The following FMN2 variants were observed in gnomAD, a reference collection of about 807,000 sequenced individuals.
FMN2 encodes the protein formin-2.
A neutral mutation model predicts 142.3 loss-of-function variants in FMN2; 51 were observed. The observed-to-expected ratio is 0.36, with a 90% CI of 0.29 to 0.45. The LOEUF (loss-of-function observed/expected upper bound fraction) is 0.45. Among genes scored for constraint, FMN2 ranks in the 20% least tolerant of loss-of-function variants. FMN2 has a pLI of 1.00. For synonymous variants in FMN2, 882 were observed against 869.8 expected (o/e 1.01, Z -0.25); for missense variants, 1,936 against 2,122.8 (o/e 0.91, Z 1.73).
chr1:240,378,920 TCTC>T (rs1442833759), intron 14 of FMN2, among the ~76,000 whole-genome samples: 3 of 152,230 alleles, frequency 2.0e-5, no homozygotes, highest in Admixed American at 6.5e-5. Context: ...TGCTGGTTCA[TCTC>T]CTGTCATTCC....
At chr1:240,196,443 G>A (rs1665911753) in intron 4 of FMN2, among the ~76,000 whole-genome samples, 1 of 152,120 alleles carries the variant, frequency 6.6e-6, no homozygotes, top group African/African-American at 2.4e-5. Flanking sequence ...AGATTCTCAG[G>A]CCCTACCCAG....
At chr1:240,287,488 T>A (rs191379037) in intron 7 of FMN2, among the ~76,000 whole-genome samples, 1 of 152,350 alleles carries the variant, frequency 6.6e-6, no homozygotes. Context: ...TTTAAGCTTC[T>A]GCTGACTCTA....
At chr1:240,363,566 G>A (rs1170105346) in intron 14 of FMN2, among the ~76,000 whole-genome samples, 1 of 152,156 alleles carries the variant, frequency 6.6e-6, no homozygotes, top group South Asian at 2.1e-4. Flanking sequence ...GGAGCATCTT[G>A]TCTCGTGTGC....
At chr1:240,100,539 C>T (rs1483975060) in intron 1 of FMN2, among the ~76,000 whole-genome samples, 1 of 152,146 alleles carries the variant, frequency 6.6e-6, no homozygotes, top group African/African-American at 2.4e-5. Context: ...GTAGTCATAA[C>T]ATCAAAATTC....
Position 240,452,521 on chromosome 1 carries a change from C to T in FMN2, c.5060+14311C>T, listed in dbSNP as rs757725828. ...AGTGTATTCCTAGATCTTAACTTTA[C>T]GAGACGGGTTTATTTTTTAAAATTA... On this transcript the variant is annotated intron_variant, in intron 16 of 17. Coordinates refer to ENST00000319653, the MANE Select transcript of FMN2 (RefSeq NM_020066.5). 7.2e-4 allele frequency among the ~76,000 whole-genome samples: 110 copies of T among 152,160 alleles called. 2 individuals carry two copies. Among genetic ancestry groups the T allele is most frequent in the Admixed American group, 1.0e-3 (16 of 15,282 alleles).
chr1:240,390,383 T>C (rs1673564969), intron 14 of FMN2, among the ~76,000 whole-genome samples: 1 of 152,212 alleles, frequency 6.6e-6, no homozygotes, highest in Admixed American at 6.5e-5. Context: ...TCTGCCAAAT[T>C]GGATTAAAGT....
intron 8 of FMN2, among the ~76,000 whole-genome samples, chr1:240,316,919 C>T (rs903018555): frequency 2.0e-5 from 3 of 152,100 alleles, no homozygotes; most frequent in Non-Finnish European, 4.4e-5. Context: ...TTTGCATGCA[C>T]TCCTACTGGG....
chr1:240,181,186 T>A (rs138060384), intron 3 of FMN2, among the ~76,000 whole-genome samples: 24 of 152,060 alleles, frequency 1.6e-4, no homozygotes, highest in African/African-American at 4.1e-4. Flanking sequence ...TGTATTTTTG[T>A]AGAAACGGGG....
chr1:240,321,153 G>GT (rs547303909), intron 8 of FMN2, among the ~76,000 whole-genome samples: 1,666 of 143,808 alleles, frequency 0.012, 20 homozygotes, highest in South Asian at 0.026. Flanking sequence ...AATTGAACTT[G>GT]TTTTTTTTTT....
chr1:240,394,907 G>T (rs1281854405), intron 15 of FMN2, among the ~76,000 whole-genome samples: 1 of 152,178 alleles, frequency 6.6e-6, no homozygotes, highest in African/African-American at 2.4e-5. Flanking sequence ...GGCAGAGGTT[G>T]CAGCGAGCTG....
At chr1:240,103,017 A>T (rs1034813165) in intron 1 of FMN2, among the ~76,000 whole-genome samples, 2 of 151,990 alleles carry the variant, frequency 1.3e-5, no homozygotes, top group Non-Finnish European at 2.9e-5. Context: ...GGCACATGCC[A>T]CCACACCCGG....
chr1:240,357,448 G>T (rs1409317811), intron 14 of FMN2, among the ~76,000 whole-genome samples: 1 of 152,132 alleles, frequency 6.6e-6, no homozygotes, highest in Non-Finnish European at 1.5e-5. Flanking sequence ...AAACACAGAT[G>T]ATCAGCCGAA....
intron 1 of FMN2, among the ~76,000 whole-genome samples, chr1:240,103,461 A>G (rs184371717): frequency 1.6e-4 from 25 of 152,296 alleles, no homozygotes; most frequent in Non-Finnish European, 2.8e-4. Context: ...GTCTAAAACT[A>G]TACTTACTAT....
At chr1:240,172,201 T>TACAC (rs138951858) in intron 2 of FMN2, among the ~76,000 whole-genome samples, 1,823 of 147,216 alleles carry the variant, frequency 0.012, 32 homozygotes, top group African/African-American at 0.046. Flanking sequence ...CACATACACA[T>TACAC]ACACACACAC....
At position 240,123,362 on chromosome 1, in the gene FMN2, A is replaced by G; in HGVS notation, c.1782+17A>G. ...TCGTTTGATGTAAGTAGGAGAATTC[A>G]CTTCTGTCCGTGAGGCAGATTTGCT... is the stretch of plus-strand genomic sequence containing the variant. On this transcript the variant is annotated intron_variant, in intron 2 of 17. Coordinates refer to ENST00000319653, the MANE Select transcript of FMN2 (RefSeq NM_020066.5). The G allele has an allele frequency of 1.2e-6, 2 of 1,606,636 alleles. No homozygotes were observed. Among genetic ancestry groups the G allele is most frequent in the Non-Finnish European group, 1.7e-6 (2 of 1,175,304 alleles).
At chr1:240,352,569 AG>A (rs1381064962) in intron 13 of FMN2, among the ~76,000 whole-genome samples, 1 of 152,160 alleles carries the variant, frequency 6.6e-6, no homozygotes, top group African/African-American at 2.4e-5. Flanking sequence ...CAACAGAGCA[AG>A]ACTTTGTCTC....
At chr1:240,419,057 G>A (rs975546526) in intron 15 of FMN2, among the ~76,000 whole-genome samples, 71 of 152,176 alleles carry the variant, frequency 4.7e-4, no homozygotes, top group Non-Finnish European at 1.3e-4. Context: ...GCAGTGAGCC[G>A]AGATCGTGCC....
At position 240,276,114 on chromosome 1, in the gene FMN2, G is replaced by A. The variant is rs1423831192; in HGVS notation, c.4153+18082G>A. Among the ~76,000 whole-genome samples the A allele has an allele frequency of 2.0e-5, 3 of 152,250 alleles. No homozygotes were observed. In the East Asian group the frequency reaches 5.8e-4, roughly 30 times the overall value. On this transcript the variant is annotated intron_variant, in intron 7 of 17. Coordinates refer to ENST00000319653, the MANE Select transcript of FMN2 (RefSeq NM_020066.5). ...GCTTGAGAAGTTTGAGACTAGCCTG[G>A]GCAATCCCTATCATTTCTGCAAGGG...
intron 5 of FMN2, 138 bp downstream of exon 5, chr1:240,208,870 A>G: frequency 5.4e-6 from 6 of 1,112,200 alleles, no homozygotes; most frequent in Non-Finnish European, 7.6e-6. Context: ...ACATCAATAT[A>G]TAGTGCAGCA....
Sources: gnomAD v4.1 joint callset for allele counts (sites outside exome capture counted in the v4.1 genomes callset) on GRCh38, gnomAD v4.1.1 for gene constraint, MANE v1.5 for transcripts, NCBI Gene and HGNC (gene_info 2026-07-23, HGNC 2026-07-21) for gene names.